FAM185A: variants seen among roughly 807,000 people sequenced by gnomAD.
FAM185A encodes family with sequence similarity 185 member A, also known as protein FAM185A.
Under a neutral mutation model 45.7 loss-of-function variants are expected in FAM185A, and 21 were observed. That is an observed-to-expected ratio of 0.46 (90% CI 0.33 to 0.66). The LOEUF (loss-of-function observed/expected upper bound fraction) is 0.66. Ranked by LOEUF, FAM185A falls within the 30% of genes least tolerant of loss-of-function variation. The pLI, the probability that FAM185A is intolerant of heterozygous loss-of-function variation, is 0.03. For synonymous variants in FAM185A, 117 were observed against 194.0 expected (o/e 0.60, Z 3.30); for missense variants, 305 against 485.4 (o/e 0.63, Z 3.49).
At chr7:102,785,533 AC>A (rs1217927204) in intron 6 of FAM185A, among the ~76,000 whole-genome samples, 1 of 152,208 alleles carries the variant, frequency 6.6e-6, no homozygotes, top group African/African-American at 2.4e-5. Context: ...CTGCATATCT[AC>A]AACCATCTGA....
At chr7:102,756,761 G>A (rs2129432895) in intron 2 of FAM185A, among the ~76,000 whole-genome samples, 1 of 139,442 alleles carries the variant, frequency 7.2e-6, no homozygotes, top group Middle Eastern at 3.5e-3. Flanking sequence ...TTTTCATTCA[G>A]TGATTCTAGG....
the FAM185A span, among the ~76,000 whole-genome samples, chr7:102,825,833 T>A: frequency 6.6e-6 from 1 of 152,188 alleles, no homozygotes; most frequent in African/African-American, 2.4e-5. Flanking sequence ...TTTCTCTGAT[T>A]TGAATTCCCC....
chr7:102,797,959 C>T (rs980959295), intron 7 of FAM185A, among the ~76,000 whole-genome samples: 1 of 152,194 alleles, frequency 6.6e-6, no homozygotes, highest in African/African-American at 2.4e-5. Flanking sequence ...CTGCAAGTTA[C>T]TTCCTGGAGC....
chr7:102,835,305 G>GGA, the FAM185A span, among the ~76,000 whole-genome samples: 19,724 of 152,108 alleles, frequency 0.13, 1,348 homozygotes, highest in Middle Eastern at 0.25. Flanking sequence ...ACCTGTCACT[G>GGA]GAGATAATCA....
the FAM185A span, among the ~76,000 whole-genome samples, chr7:102,828,640 G>T: frequency 6.6e-6 from 1 of 152,072 alleles, no homozygotes; most frequent in Non-Finnish European, 1.5e-5. Context: ...TAAAATGAGG[G>T]TAATTTAAAA....
chr7:102,766,650 T>C (rs1057099064), intron 4 of FAM185A, among the ~76,000 whole-genome samples: 1 of 152,030 alleles, frequency 6.6e-6, no homozygotes, highest in Non-Finnish European at 1.5e-5. Flanking sequence ...AAATAGATCT[T>C]TTCATGACAT....
chr7:102,774,681 T>C (rs554069605), intron 5 of FAM185A, among the ~76,000 whole-genome samples: 1 of 152,318 alleles, frequency 6.6e-6, no homozygotes, highest in East Asian at 1.9e-4. Context: ...CAAACACATT[T>C]CCTGAATTTA....
At chr7:102,829,736 G>A in the FAM185A span, among the ~76,000 whole-genome samples, 4 of 152,156 alleles carry the variant, frequency 2.6e-5, no homozygotes, top group Admixed American at 1.3e-4. Context: ...AGGAAAAGCC[G>A]GCCTTTCTGG....
chr7:102,787,046 TACTC>T (rs1179080325), intron 6 of FAM185A, among the ~76,000 whole-genome samples: 14 of 152,212 alleles, frequency 9.2e-5, no homozygotes, highest in Non-Finnish European at 2.9e-5. Flanking sequence ...TGTAGTAAAT[TACTC>T]ACTTTCTGGT....
In FAM185A at chr7:102,757,966, T is replaced by C; in HGVS notation, c.654+20T>C. The C allele has an allele frequency of 1.3e-6, 2 of 1,529,190 alleles. No individual in the cohort carries two copies. Among genetic ancestry groups the C allele is most frequent in the Non-Finnish European group, 1.8e-6 (2 of 1,134,136 alleles). 94.7% of individuals were successfully genotyped at this position (1,529,190 alleles called of 1,614,324 possible). On this transcript the variant is annotated intron_variant, in intron 3 of 7. Coordinates refer to ENST00000413034, the MANE Select transcript of FAM185A (RefSeq NM_001145268.2). ...AAAAGTGTAAGATTGAAACTTTCTTTTTTTTTTTAGTAATTGCAACTTTGC... is the reference window on the plus strand; with the variant it reads ...AAAAGTGTAAGATTGAAACTTTCTTCTTTTTTTTAGTAATTGCAACTTTGC...
chr7:102,831,219 T>C, the FAM185A span, among the ~76,000 whole-genome samples: 1 of 152,062 alleles, frequency 6.6e-6, no homozygotes, highest in African/African-American at 2.4e-5. Flanking sequence ...GTCACTTAGT[T>C]AGCCTAGCAA....
the FAM185A span, among the ~76,000 whole-genome samples, chr7:102,844,972 G>A: frequency 1.3e-5 from 2 of 152,206 alleles, no homozygotes; most frequent in Non-Finnish European, 2.9e-5. Flanking sequence ...AGGGCTAGGT[G>A]TAGAGGTCCT....
In FAM185A at chr7:102,808,549, T is replaced by G; in HGVS notation, c.*147T>G. 1.6e-6 allele frequency: 1 copy of G among 614,172 alleles called. No homozygotes were observed. The highest frequency in any genetic ancestry group is 2.8e-5 in the East Asian group (1 of 35,822). The allele number at this position is 614,172 out of a possible 1,614,324, so 38.0% of individuals were successfully genotyped here. Reference sequence around the variant, plus strand: ...ACTGTTTTGGGAGGCTTTTTCAAAATTTGTGCTTTGCTATTGTATTCATTT... The same window carrying G: ...ACTGTTTTGGGAGGCTTTTTCAAAAGTTGTGCTTTGCTATTGTATTCATTT... On this transcript the variant is annotated 3_prime_UTR_variant, in exon 8 of 8. Transcript: ENST00000413034.
chr7:102,773,397 C>T (rs1028816541), intron 5 of FAM185A, among the ~76,000 whole-genome samples: 80 of 152,056 alleles, frequency 5.3e-4, no homozygotes, highest in East Asian at 3.9e-4. Flanking sequence ...TCATAATGTA[C>T]CAGAAGGGTT....
intron 7 of FAM185A, among the ~76,000 whole-genome samples, chr7:102,790,857 T>C (rs951831455): frequency 6.6e-6 from 1 of 152,208 alleles, no homozygotes; most frequent in African/African-American, 2.4e-5. Context: ...TTTTTCTTTA[T>C]TTGCTCAGTT....
intron 7 of FAM185A, among the ~76,000 whole-genome samples, chr7:102,805,465 T>C (rs751756500): frequency 2.0e-5 from 3 of 151,290 alleles, no homozygotes; most frequent in Admixed American, 6.6e-5. Flanking sequence ...TCACTGATAA[T>C]GTGGGAGCTA....
chr7:102,749,724 G>A, intron 1 of FAM185A, 66 bp downstream of exon 1: 1 of 1,495,774 alleles, frequency 6.7e-7, no homozygotes, highest in South Asian at 1.3e-5. Context: ...AATAAATGTG[G>A]TCGACGTGCA....
chr7:102,818,649 A>G, the FAM185A span, among the ~76,000 whole-genome samples: 1 of 152,198 alleles, frequency 6.6e-6, no homozygotes, highest in Non-Finnish European at 1.5e-5. Context: ...CAACTGCTAA[A>G]GAAGGCCTTC....
the FAM185A span, among the ~76,000 whole-genome samples, chr7:102,847,811 G>GCACCC: frequency 6.6e-6 from 1 of 152,088 alleles, no homozygotes; most frequent in Admixed American, 6.6e-5. Flanking sequence ...TTATAGGTGT[G>GCACCC]AACTACTGCA....
Sources: gnomAD v4.1 joint callset for allele counts (sites outside exome capture counted in the v4.1 genomes callset) on GRCh38, gnomAD v4.1.1 for gene constraint, MANE v1.5 for transcripts, NCBI Gene and HGNC (gene_info 2026-07-23, HGNC 2026-07-21) for gene names.